Variants in SLC24A2 observed in about 807,000 individuals in gnomAD.
SLC24A2 encodes the protein solute carrier family 24 member 2.
In SLC24A2, 36 loss-of-function variants were observed where a neutral mutation model predicts 62.0. The ratio of observed to expected loss-of-function variants is 0.58; its 90% CI spans 0.44 to 0.77. The LOEUF is 0.77. Among genes scored for constraint, SLC24A2 ranks in the 30% least tolerant of loss-of-function variants. The pLI is 0.00. For synonymous variants in SLC24A2, 358 were observed against 294.0 expected (o/e 1.22, Z -2.23); for missense variants, 846 against 817.9 (o/e 1.03, Z -0.42).
At chr9:19,819,515 GAAA>G in the SLC24A2 span, among the ~76,000 whole-genome samples, 16 of 151,198 alleles carry the variant, frequency 1.1e-4, no homozygotes, top group African/African-American at 3.9e-4. Context: ...AAATCAGTAA[GAAA>G]AAAACAATCC....
At chr9:19,741,793 C>G (rs1821686347) in intron 2 of SLC24A2, among the ~76,000 whole-genome samples, 1 of 152,150 alleles carries the variant, frequency 6.6e-6, no homozygotes. Flanking sequence ...ATTATTTTCT[C>G]TTATTGAGCA....
At chr9:20,270,529 C>A in the SLC24A2 span, among the ~76,000 whole-genome samples, 1 of 152,178 alleles carries the variant, frequency 6.6e-6, no homozygotes, top group East Asian at 1.9e-4. Flanking sequence ...AAGCCTTTAG[C>A]TGTTTCTTGG....
At chr9:20,073,103 T>C in the SLC24A2 span, among the ~76,000 whole-genome samples, 2 of 152,312 alleles carry the variant, frequency 1.3e-5, no homozygotes, top group African/African-American at 4.8e-5. Flanking sequence ...TCTCCGTTTT[T>C]GTAGGTCAGG....
At chr9:19,713,249 C>T (rs1820764976) in intron 2 of SLC24A2, among the ~76,000 whole-genome samples, 1 of 151,928 alleles carries the variant, frequency 6.6e-6, no homozygotes, top group African/African-American at 2.4e-5. Flanking sequence ...AGTACCTGCG[C>T]CATTTGTAAA....
chr9:20,227,522 G>T, the SLC24A2 span, among the ~76,000 whole-genome samples: 1 of 140,702 alleles, frequency 7.1e-6, no homozygotes, highest in African/African-American at 2.7e-5. Flanking sequence ...TGAAGAAAAG[G>T]CTCACACATT....
the SLC24A2 span, among the ~76,000 whole-genome samples, chr9:20,246,814 G>T: frequency 2.4e-4 from 37 of 152,304 alleles, no homozygotes; most frequent in African/African-American, 8.7e-4. Flanking sequence ...TAGCCTGACA[G>T]GAGCACCCAT....
the SLC24A2 span, among the ~76,000 whole-genome samples, chr9:20,131,331 C>G: frequency 3.3e-5 from 5 of 152,084 alleles, no homozygotes; most frequent in Non-Finnish European, 5.9e-5. Flanking sequence ...TGCTTGAGGA[C>G]TAGCATGATG....
At chr9:19,533,920 C>A (rs1294080477) in intron 8 of SLC24A2, among the ~76,000 whole-genome samples, 1 of 152,182 alleles carries the variant, frequency 6.6e-6, no homozygotes, top group East Asian at 1.9e-4. Context: ...GCAGAATACA[C>A]CCATATATCT....
the SLC24A2 span, among the ~76,000 whole-genome samples, chr9:20,295,789 C>T: frequency 1.3e-5 from 2 of 152,148 alleles, no homozygotes; most frequent in African/African-American, 4.8e-5. Flanking sequence ...GGCTTTTGAA[C>T]TTGCACAGAG....
Position 19,510,531 on chromosome 9 carries a change from T to G in SLC24A2, c.*5622A>C, listed in dbSNP as rs923530449. On this transcript the variant is annotated 3_prime_UTR_variant, in exon 11 of 11. Coordinates refer to ENST00000341998, the MANE Select transcript of SLC24A2 (RefSeq NM_020344.4). ...TTTTCTTGATGCTGATGGTTGTTAATCATTGAGCTGGGTCACACCAGCATC... is the reference window on the plus strand; with the variant it reads ...TTTTCTTGATGCTGATGGTTGTTAAGCATTGAGCTGGGTCACACCAGCATC... 1 of 151,442 alleles carries G rather than the reference T, an allele frequency of 6.6e-6. No homozygotes were observed. The highest frequency in any genetic ancestry group is 2.4e-5 in the African/African-American group (1 of 41,204). The allele number at this position is 151,442 out of a possible 1,614,324, so 9.4% of individuals were successfully genotyped here.
rs1479806316 is a variant in SLC24A2 at position 19,708,494 on chromosome 9, G to A, written c.930+77443C>T. 1.2e-4 allele frequency among the ~76,000 whole-genome samples: 19 copies of A among 152,176 alleles called. 1 individual carries two copies. Among genetic ancestry groups the A allele is most frequent in the Non-Finnish European group, 2.8e-4 (19 of 68,036 alleles). On this transcript the variant is annotated intron_variant, in intron 2 of 10. Coordinates refer to ENST00000341998, the MANE Select transcript of SLC24A2 (RefSeq NM_020344.4). ...CAAAGCTGGAGCCATCACGCTACCT[G>A]ACTTCAAACTATACTGCAAGGCTAC...
chr9:20,260,280 T>C, the SLC24A2 span, among the ~76,000 whole-genome samples: 1 of 152,212 alleles, frequency 6.6e-6, no homozygotes, highest in Admixed American at 6.5e-5. Context: ...ATCTCAATCT[T>C]GGACTTCAAA....
At chr9:20,172,534 A>C in the SLC24A2 span, among the ~76,000 whole-genome samples, 3 of 152,074 alleles carry the variant, frequency 2.0e-5, no homozygotes, top group African/African-American at 7.2e-5. Context: ...CTGACACCAC[A>C]GAAATACAAA....
intron 2 of SLC24A2, among the ~76,000 whole-genome samples, chr9:19,728,534 A>G (rs895638508): frequency 2.0e-5 from 3 of 152,158 alleles, no homozygotes; most frequent in African/African-American, 7.2e-5. Flanking sequence ...CTTTGCTATA[A>G]TGAAAAAATC....
At chr9:19,959,578 T>G in the SLC24A2 span, among the ~76,000 whole-genome samples, 2 of 152,214 alleles carry the variant, frequency 1.3e-5, no homozygotes, top group African/African-American at 4.8e-5. Flanking sequence ...TACTAGGCAT[T>G]TGATAAGTGT....
chr9:19,874,171 C>T, the SLC24A2 span, among the ~76,000 whole-genome samples: 2 of 150,014 alleles, frequency 1.3e-5, no homozygotes, highest in African/African-American at 4.9e-5. Flanking sequence ...CCTCTTTCTC[C>T]CAGGTTTAAG....
rs149124771 is a variant in SLC24A2, at chr9:19,552,985, A to C, written c.1348-2717T>G. 1.6e-4 allele frequency among the ~76,000 whole-genome samples: 24 copies of C among 152,294 alleles called. No individual in the cohort carries two copies. In the East Asian group the frequency reaches 4.3e-3, roughly 27 times the overall value. On this transcript the variant is annotated intron_variant, in intron 7 of 10. Coordinates refer to ENST00000341998, the MANE Select transcript of SLC24A2 (RefSeq NM_020344.4). ...CAGAAATGGACTAGGAGAAGAGACT[A>C]TGTCTCAGGCTGTGCCAACAGGGCT... is the stretch of plus-strand genomic sequence containing the variant.
At chr9:19,594,069 A>C (rs2209798) in intron 5 of SLC24A2, among the ~76,000 whole-genome samples, 142,002 of 151,746 alleles carry the variant, frequency 0.94, 66,647 homozygotes, top group African/African-American at 0.97. Context: ...CCTCATATTT[A>C]CTAATTCTTT....
At chr9:19,719,495 C>G (rs577228819) in intron 2 of SLC24A2, among the ~76,000 whole-genome samples, 6 of 152,104 alleles carry the variant, frequency 3.9e-5, no homozygotes, top group Non-Finnish European at 8.8e-5. Context: ...AGAGTGAGAG[C>G]TGAGGCTGAG....
Sources: allele counts gnomAD v4.1 joint callset (sites outside exome capture counted in the v4.1 genomes callset), GRCh38; gene constraint gnomAD v4.1.1; transcripts MANE v1.5; gene names NCBI Gene and HGNC (gene_info 2026-07-23, HGNC 2026-07-21).